AHI1: variants seen among roughly 807,000 people sequenced by gnomAD.
AHI1 encodes the protein jouberin.
AHI1 carries 123 observed loss-of-function variants against 149.3 expected under a neutral mutation model. The observed-to-expected ratio is 0.82, with a 90% CI of 0.71 to 0.96. The LOEUF is 0.96. Ranked by LOEUF, AHI1 falls within the 40% of genes least tolerant of loss-of-function variation. The pLI is 0.00. For missense variants in AHI1, 1,439 were observed against 1,422.7 expected (o/e 1.01, Z -0.18); for synonymous variants, 475 against 459.8 (o/e 1.03, Z -0.42).
At chr6:135,465,131 A>G (rs1409953008) in intron 7 of AHI1, among the ~76,000 whole-genome samples, 1 of 152,228 alleles carries the variant, frequency 6.6e-6, no homozygotes, top group Non-Finnish European at 1.5e-5. Flanking sequence ...GCCAAAGAAT[A>G]GTCACATATA....
chr6:135,302,589 C>T (rs1006432562), intron 26 of AHI1: 1 of 1,129,286 alleles, frequency 8.9e-7, no homozygotes, highest in Non-Finnish European at 1.1e-6. Flanking sequence ...GCAGCTTAGC[C>T]TGTGTTCAAA....
intron 14 of AHI1, among the ~76,000 whole-genome samples, chr6:135,439,726 A>G (rs1165938311): frequency 6.6e-6 from 1 of 152,164 alleles, no homozygotes; most frequent in Admixed American, 6.5e-5. Context: ...TTTTGTTAAG[A>G]TGGAAAAGAT....
intron 26 of AHI1, among the ~76,000 whole-genome samples, chr6:135,317,483 T>C (rs1786139212): frequency 6.7e-6 from 1 of 149,912 alleles, no homozygotes; most frequent in Non-Finnish European, 1.5e-5. Context: ...TCAGGTCAAG[T>C]ATTTCCTCCT....
intron 23 of AHI1, among the ~76,000 whole-genome samples, chr6:135,384,691 A>G (rs1282035633): frequency 6.6e-6 from 1 of 152,180 alleles, no homozygotes; most frequent in Non-Finnish European, 1.5e-5. Flanking sequence ...ATGGTAATCT[A>G]TTCTTTATAT....
chr6:135,445,356 C>G (rs1273323664), intron 13 of AHI1, among the ~76,000 whole-genome samples: 2 of 152,114 alleles, frequency 1.3e-5, no homozygotes, highest in African/African-American at 2.4e-5. Flanking sequence ...ATTGTATCAG[C>G]AATGCTTCTT....
At chr6:135,349,945 T>C (rs1456939343) in intron 24 of AHI1, among the ~76,000 whole-genome samples, 1 of 152,212 alleles carries the variant, frequency 6.6e-6, no homozygotes, top group Non-Finnish European at 1.5e-5. Flanking sequence ...GCCTCATTCA[T>C]ATTGCTGGAT....
intron 14 of AHI1, 107 bp downstream of exon 14, chr6:135,442,475 G>T: frequency 5.2e-6 from 6 of 1,155,512 alleles, no homozygotes; most frequent in Non-Finnish European, 5.7e-6. Flanking sequence ...CTTTAATTTA[G>T]TAGTACAGGG....
intron 24 of AHI1, 190 bp from the exon 25 acceptor site, chr6:135,323,514 T>C: frequency 2.2e-6 from 1 of 449,244 alleles, no homozygotes; most frequent in Non-Finnish European, 3.9e-6. Context: ...GATAAAAGAC[T>C]GTGGGATTGA....
chr6:135,397,061 C>A (rs1779321737), intron 22 of AHI1, among the ~76,000 whole-genome samples: 1 of 151,634 alleles, frequency 6.6e-6, no homozygotes, highest in Non-Finnish European at 1.5e-5. Context: ...TTTTATAATT[C>A]TGATCTTTCT....
Position 135,465,859 on chromosome 6 carries a change from C to T in AHI1, c.704G>A (p.Arg235Lys), listed in dbSNP as rs1562238669. ...GACTGGAACTTCCTTTTTCTTTTTC[C>T]TTTTTTCACTGCTTAGTTTGTCATC... is the stretch of plus-strand genomic sequence containing the variant. ...FHDDKLSSEK[R>K]KKKKEVPVFS... Residue 235 changes from arginine (R) to lysine (K), a missense_variant, in exon 7 of 29, where the codon AGG becomes AAG. Physicochemically the swap from Arg to Lys is conservative, Grantham distance 26. Coordinates refer to ENST00000265602, the MANE Select transcript of AHI1 (RefSeq NM_001134831.2). The T allele has an allele frequency of 1.3e-5, 19 of 1,477,332 alleles. No homozygotes were observed. The highest frequency in any genetic ancestry group is 1.9e-4 in the Middle Eastern group (1 of 5,402). 91.5% of individuals were successfully genotyped at this position (1,477,332 alleles called of 1,614,324 possible). A position where few individuals can be genotyped will look rare whatever the true frequency, so the allele number is the denominator to read the frequency against.
At chr6:135,449,336 CA>C (rs1441824951) in intron 11 of AHI1, among the ~76,000 whole-genome samples, 1 of 152,110 alleles carries the variant, frequency 6.6e-6, no homozygotes, top group Non-Finnish European at 1.5e-5. Context: ...AGTTGTGAGC[CA>C]CCACGCCTGG....
At position 135,284,316 on chromosome 6, in the gene AHI1, T is replaced by C. The variant is rs1781488506; in HGVS notation, c.*1329A>G. The stretch of plus-strand genomic sequence containing the variant: ...ATTTTTATTAGAAGATATTTCACAC[T>C]GGGTATACATCTGGGCAAAATTTAC... On this transcript the variant is annotated 3_prime_UTR_variant, in exon 29 of 29. Coordinates refer to ENST00000265602, the MANE Select transcript of AHI1 (RefSeq NM_001134831.2). 1 of 152,236 alleles carries C rather than the reference T, an allele frequency of 6.6e-6. No homozygotes were observed. The highest frequency in any genetic ancestry group is 6.5e-5 in the Admixed American group (1 of 15,288). The allele number at this position is 152,236 out of a possible 1,614,324, so 9.4% of individuals were successfully genotyped here.
chr6:135,463,581 T>C (rs1790272541), intron 7 of AHI1, among the ~76,000 whole-genome samples: 2 of 152,178 alleles, frequency 1.3e-5, no homozygotes, highest in South Asian at 4.1e-4. Context: ...TAATATTTTA[T>C]GAGCAATTGA....
chr6:135,361,573 G>C (rs1451075241), intron 23 of AHI1, among the ~76,000 whole-genome samples: 1 of 150,576 alleles, frequency 6.6e-6, no homozygotes, highest in South Asian at 2.1e-4. Context: ...TTCCCTGAAC[G>C]TAACACTTTT....
At chr6:135,334,507 T>C (rs1457183015) in intron 24 of AHI1, among the ~76,000 whole-genome samples, 1 of 152,230 alleles carries the variant, frequency 6.6e-6, no homozygotes, top group Non-Finnish European at 1.5e-5. Context: ...TGGTATTTTG[T>C]TACAGCAGCC....
In AHI1 at chr6:135,457,630, G is replaced by A; in HGVS notation, c.1015C>T (p.Leu339Phe). 2 of 1,613,888 alleles carry A rather than the reference G, an allele frequency of 1.2e-6. No individual in the cohort carries two copies. The highest frequency in any genetic ancestry group is 1.7e-6 in the Non-Finnish European group (2 of 1,179,860). The change falls in exon 9 of 29, where the codon CTT (leucine) becomes TTT (phenylalanine). Residue 339 changes from leucine to phenylalanine, a missense_variant. Coordinates refer to ENST00000265602, the MANE Select transcript of AHI1 (RefSeq NM_001134831.2). ...ACTCCCAAGACAAGGTCATCATCAAGCAAACATTTGGGATAAACCGGGCTA... is the reference window on the plus strand; with the variant it reads ...ACTCCCAAGACAAGGTCATCATCAAACAAACATTTGGGATAAACCGGGCTA... ...RDSPVYPKCL[L>F]DDDLVLGVYI...
At chr6:135,476,881 G>C (rs569876066) in intron 5 of AHI1, among the ~76,000 whole-genome samples, 1 of 151,924 alleles carries the variant, frequency 6.6e-6, no homozygotes, top group Admixed American at 6.6e-5. Flanking sequence ...GTTTCTTATA[G>C]TCAACATATA....
At position 135,457,681 on chromosome 6, in the gene AHI1, C is replaced by T. The variant is rs1382955866; in HGVS notation, c.964G>A (p.Gly322Ser). 12 of 1,613,668 alleles carry T rather than the reference C, an allele frequency of 7.4e-6. No homozygotes were observed. Among genetic ancestry groups the T allele is most frequent in the Non-Finnish European group, 1.0e-5 (12 of 1,179,830 alleles). Residue 322 changes from glycine (G) to serine (S), a missense_variant, in exon 9 of 29, where the codon GGT (glycine) becomes AGT (serine). Coordinates refer to ENST00000265602, the MANE Select transcript of AHI1 (RefSeq NM_001134831.2). ...TCTCGGCTTGTTATTTCATGAACAC[C>T]ATCACCATCAACATCTTCATTATTA... ...ADNNEDVDGD[G>S]VHEITSRDSP...
In AHI1 at chr6:135,411,705, C is replaced by T. The variant is rs114635611; in HGVS notation, c.2765-161G>A. Among the ~76,000 whole-genome samples the T allele has an allele frequency of 1.4e-3, 215 of 152,108 alleles. 2 individuals carry two copies. The highest frequency in any genetic ancestry group is 5.0e-3 in the African/African-American group (207 of 41,496). ...TAGCAAAATTTGAAATTATTCAATG[C>T]TATAAAATCATAAGGAAGCAAATAG... On this transcript the variant is annotated intron_variant, in intron 20 of 28. Transcript: ENST00000265602.
Sources: gnomAD v4.1 joint callset for allele counts (sites outside exome capture counted in the v4.1 genomes callset) on GRCh38, gnomAD v4.1.1 for gene constraint, MANE v1.5 for transcripts, NCBI Gene and HGNC (gene_info 2026-07-23, HGNC 2026-07-21) for gene names.